Variants in TOGARAM1 observed in about 807,000 individuals in gnomAD.
TOGARAM1 encodes TOG array regulator of axonemal microtubules 1.
A neutral mutation model predicts 166.6 loss-of-function variants in TOGARAM1; 100 were observed. The ratio of observed to expected loss-of-function variants is 0.60; its 90% CI spans 0.51 to 0.71. The LOEUF is 0.71. Ranked by LOEUF, TOGARAM1 falls within the 30% of genes least tolerant of loss-of-function variation. TOGARAM1 has a pLI of 0.00. For missense variants in TOGARAM1, 2,029 were observed against 2,102.7 expected, an observed-to-expected ratio of 0.96 and a Z score of 0.69; for synonymous variants, 758 against 763.8, an observed-to-expected ratio of 0.99 and a Z score of 0.13.
chr14:45,040,869 T>C (rs771876166), intron 11 of TOGARAM1, among the ~76,000 whole-genome samples: 1 of 151,434 alleles, frequency 6.6e-6, no homozygotes, highest in Non-Finnish European at 1.5e-5. Context: ...TGAAACCCCA[T>C]CTCTACTAAA....
intron 1 of TOGARAM1, among the ~76,000 whole-genome samples, chr14:44,976,131 T>C (rs1886175950): frequency 6.6e-6 from 1 of 152,150 alleles, no homozygotes; most frequent in Non-Finnish European, 1.5e-5. Context: ...CCGATAACAC[T>C]CACTTTGATT....
At chr14:45,012,174 A>C (rs1004720218) in intron 7 of TOGARAM1, 99 bp downstream of exon 7, 65 of 762,984 alleles carry the variant, frequency 8.5e-5, no homozygotes, top group Non-Finnish European at 1.2e-4. Flanking sequence ...GTTGTTGTGC[A>C]TACTGGTTAA....
At chr14:45,061,898 T>C (rs567904670) in intron 16 of TOGARAM1, among the ~76,000 whole-genome samples, 1 of 152,276 alleles carries the variant, frequency 6.6e-6, no homozygotes, top group East Asian at 1.9e-4. Flanking sequence ...ACAGGTGCTA[T>C]TTAGAAGTGT....
intron 1 of TOGARAM1, among the ~76,000 whole-genome samples, chr14:44,993,417 C>G (rs538957147): frequency 6.6e-6 from 1 of 152,182 alleles, no homozygotes; most frequent in East Asian, 1.9e-4. Flanking sequence ...TTTACTATAA[C>G]TCTAAGGAAT....
intron 1 of TOGARAM1, among the ~76,000 whole-genome samples, chr14:44,990,074 T>C (rs576704247): frequency 1.3e-5 from 2 of 152,306 alleles, no homozygotes; most frequent in African/African-American, 4.8e-5. Flanking sequence ...GTCTCTCCCT[T>C]GATATGTGGG....
At chr14:45,035,967 A>G (rs1450029990) in intron 11 of TOGARAM1, among the ~76,000 whole-genome samples, 1 of 150,470 alleles carries the variant, frequency 6.6e-6, no homozygotes, top group Non-Finnish European at 1.5e-5. Context: ...AAAAAAAGAA[A>G]GAAAAAAAAT....
Position 44,962,416 on chromosome 14 carries a change from C to T in TOGARAM1, c.-6C>T, listed in dbSNP as rs771821360. Reference sequence around the variant, plus strand: ...TCTTCCAACCACCACCACCTGACAACCCTGCATGGCGGCTGCCCCCTCCGC... The same window carrying T: ...TCTTCCAACCACCACCACCTGACAATCCTGCATGGCGGCTGCCCCCTCCGC... On this transcript the variant is annotated 5_prime_UTR_variant, in exon 1 of 20. Coordinates refer to ENST00000361462, the MANE Select transcript of TOGARAM1 (RefSeq NM_001308120.2). The T allele has an allele frequency of 6.5e-7, 1 of 1,547,494 alleles. No homozygotes were observed. The highest frequency in any genetic ancestry group is 1.4e-5 in the African/African-American group (1 of 73,070).
intron 14 of TOGARAM1, 65 bp downstream of exon 14, chr14:45,046,768 A>G: frequency 8.3e-7 from 1 of 1,201,730 alleles, no homozygotes; most frequent in Non-Finnish European, 1.1e-6. Context: ...GAAAAGAAAG[A>G]AAGTTTAAAG....
intron 1 of TOGARAM1, among the ~76,000 whole-genome samples, chr14:44,967,111 A>G (rs1031418065): frequency 1.3e-5 from 2 of 152,136 alleles, no homozygotes; most frequent in Non-Finnish European, 2.9e-5. Context: ...GTCTGAGTAT[A>G]GATTTGCTCA....
chr14:44,991,975 A>C (rs575135857), intron 1 of TOGARAM1, among the ~76,000 whole-genome samples: 1 of 148,478 alleles, frequency 6.7e-6, no homozygotes, highest in Non-Finnish European at 1.5e-5. Context: ...TGGTGGTGTG[A>C]TCCTATAGTC....
Position 45,043,850 on chromosome 14 carries a change from A to G in TOGARAM1, c.3918+59A>G, listed in dbSNP as rs766794459. On this transcript the variant is annotated intron_variant, in intron 12 of 19. Coordinates refer to ENST00000361462, the MANE Select transcript of TOGARAM1 (RefSeq NM_001308120.2). ...TAGAATAACAAAGGATAAATATGCT[A>G]TGTTTATTTGACCTTTAAAATTTTT... is the stretch of plus-strand genomic sequence containing the variant. 2.0e-4 allele frequency: 201 copies of G among 990,846 alleles called. 2 individuals carry two copies. The East Asian group carries it at 4.8e-3, about 24-fold the overall frequency. The allele number at this position is 990,846 out of a possible 1,614,324, so 61.4% of individuals were successfully genotyped here.
chr14:45,017,610 G>A lies in TOGARAM1; in HGVS notation c.3238+5535G>A, dbSNP rs1223933771. 2.6e-5 allele frequency among the ~76,000 whole-genome samples: 4 copies of A among 152,282 alleles called. No individual in the cohort carries two copies. In the East Asian group the frequency reaches 7.7e-4, roughly 29 times the overall value. ...TATCATTAACCATTCTTGGCCAGGC[G>A]TGGTGGCTCACGCCTGTAATCCCAG... is the stretch of plus-strand genomic sequence containing the variant. On this transcript the variant is annotated intron_variant, in intron 7 of 19. Transcript: ENST00000361462.
At chr14:45,009,266 T>C (rs925762403) in intron 6 of TOGARAM1, 121 bp downstream of exon 6, 7 of 765,112 alleles carry the variant, frequency 9.1e-6, no homozygotes, top group South Asian at 1.9e-5. Context: ...TGTTAAAATA[T>C]ATTTAAAAGA....
At chr14:45,072,139 G>A (rs1348478501) in intron 19 of TOGARAM1, among the ~76,000 whole-genome samples, 1 of 152,142 alleles carries the variant, frequency 6.6e-6, no homozygotes, top group Non-Finnish European at 1.5e-5. Flanking sequence ...GTTGGCAGGT[G>A]GTTCAGGCTC....
intron 7 of TOGARAM1, among the ~76,000 whole-genome samples, chr14:45,015,358 A>T (rs1048164338): frequency 6.6e-6 from 1 of 150,590 alleles, no homozygotes; most frequent in African/African-American, 2.4e-5. Flanking sequence ...AAATATATTT[A>T]TACATATATA....
intron 7 of TOGARAM1, among the ~76,000 whole-genome samples, chr14:45,015,169 G>A (rs2138870059): frequency 6.6e-6 from 1 of 152,054 alleles, no homozygotes; most frequent in South Asian, 2.1e-4. Context: ...GCGGAGAATG[G>A]TGGCGTGCGC....
In TOGARAM1 at chr14:45,052,423, C is replaced by T. The variant is rs1882419238; in HGVS notation, c.4314-13C>T. On this transcript the variant is annotated splice_polypyrimidine_tract_variant and intron_variant, in intron 14 of 19. Coordinates refer to ENST00000361462, the MANE Select transcript of TOGARAM1 (RefSeq NM_001308120.2). Reference sequence around the variant, plus strand: ...TCTAAAAAGTAATATACCTGTTTTTCAAATACTCACAGGTATTATGGTCGA... The same window carrying T: ...TCTAAAAAGTAATATACCTGTTTTTTAAATACTCACAGGTATTATGGTCGA... 6.3e-7 allele frequency: 1 copy of T among 1,599,700 alleles called. No individual in the cohort carries two copies. Among genetic ancestry groups the T allele is most frequent in the African/African-American group, 1.3e-5 (1 of 74,560 alleles).
At chr14:45,003,437 G>A (rs2138835145) in intron 3 of TOGARAM1, among the ~76,000 whole-genome samples, 1 of 152,136 alleles carries the variant, frequency 6.6e-6, no homozygotes, top group South Asian at 2.1e-4. Flanking sequence ...AAAATAAGAT[G>A]GTAGAATTAA....
chr14:44,990,640 G>T (rs1196281066), intron 1 of TOGARAM1, among the ~76,000 whole-genome samples: 1 of 152,100 alleles, frequency 6.6e-6, no homozygotes, highest in East Asian at 1.9e-4. Context: ...CCTTGATTCA[G>T]CTGATTACCT....
Sources: allele counts gnomAD v4.1 joint callset (sites outside exome capture counted in the v4.1 genomes callset), GRCh38; gene constraint gnomAD v4.1.1; transcripts MANE v1.5; gene names NCBI Gene and HGNC (gene_info 2026-07-23, HGNC 2026-07-21).